Variants in MEGF10 observed in about 807,000 individuals in gnomAD.
The protein encoded by MEGF10 is multiple EGF like domains 10.
MEGF10 carries 86 observed loss-of-function variants against 147.5 expected under a neutral mutation model. That is an observed-to-expected ratio of 0.58 (90% CI 0.49 to 0.70). MEGF10 has a LOEUF of 0.70. Among genes scored for constraint, MEGF10 ranks in the 30% least tolerant of loss-of-function variants. The pLI, the probability that MEGF10 is intolerant of heterozygous loss-of-function variation, is 0.00. For synonymous variants in MEGF10, 478 were observed against 525.5 expected (o/e 0.91, Z 1.24); for missense variants, 1,329 against 1,487.3 (o/e 0.89, Z 1.75).
At chr5:127,414,708 C>A (rs1764691690) in intron 9 of MEGF10, among the ~76,000 whole-genome samples, 1 of 152,170 alleles carries the variant, frequency 6.6e-6, no homozygotes, top group Non-Finnish European at 1.5e-5. Context: ...TCACCTGTGG[C>A]ATTTTCACTT....
intron 5 of MEGF10, among the ~76,000 whole-genome samples, chr5:127,385,307 T>TC (rs2126893185): frequency 6.6e-6 from 1 of 152,256 alleles, no homozygotes; most frequent in East Asian, 1.9e-4. Flanking sequence ...ATTTATAATT[T>TC]TTTTTTTTTG....
chr5:127,266,924 G>C, the MEGF10 span, among the ~76,000 whole-genome samples: 5 of 152,274 alleles, frequency 3.3e-5, no homozygotes, highest in East Asian at 9.6e-4. Context: ...TCTTTCTCCT[G>C]CCTGATTTCC....
At chr5:127,451,022 G>A (rs1489483443) in intron 22 of MEGF10, among the ~76,000 whole-genome samples, 1 of 152,154 alleles carries the variant, frequency 6.6e-6, no homozygotes, top group Non-Finnish European at 1.5e-5. Context: ...GCCTCCCAAA[G>A]TGCTGGGATT....
At chr5:127,413,051 A>G (rs78411753) in intron 9 of MEGF10, among the ~76,000 whole-genome samples, 3,150 of 152,252 alleles carry the variant, frequency 0.021, 59 homozygotes, top group Middle Eastern at 0.085. Context: ...TTTAGATAAG[A>G]CAAGTCATCT....
intron 24 of MEGF10, among the ~76,000 whole-genome samples, chr5:127,456,012 G>C (rs575383255): frequency 6.6e-6 from 1 of 152,254 alleles, no homozygotes; most frequent in South Asian, 2.1e-4. Context: ...GAATTTTCCA[G>C]GGAAAATATT....
chr5:127,426,355 A>T (rs1402696263), intron 13 of MEGF10, among the ~76,000 whole-genome samples: 1 of 152,210 alleles, frequency 6.6e-6, no homozygotes, highest in African/African-American at 2.4e-5. Context: ...ACAAAATAAA[A>T]GTTGTGTTTG....
chr5:127,287,678 C>T (rs1759071413), upstream of MEGF10, among the ~76,000 whole-genome samples: 1 of 151,844 alleles, frequency 6.6e-6, no homozygotes, highest in African/African-American at 2.4e-5. Flanking sequence ...GGATTCAAGG[C>T]ACTCTCAATT....
At chr5:127,281,563 T>C in the MEGF10 span, among the ~76,000 whole-genome samples, 3 of 152,162 alleles carry the variant, frequency 2.0e-5, no homozygotes, top group African/African-American at 4.8e-5. Flanking sequence ...TGTGTGTACA[T>C]TGCTTCTCTC....
intron 4 of MEGF10, among the ~76,000 whole-genome samples, chr5:127,349,709 C>T (rs1762023407): frequency 6.6e-6 from 1 of 150,426 alleles, no homozygotes; most frequent in Admixed American, 6.6e-5. Flanking sequence ...TTTTAGGCTA[C>T]ACAATATTTT....
chr5:127,276,917 T>C, the MEGF10 span, among the ~76,000 whole-genome samples: 1 of 152,044 alleles, frequency 6.6e-6, no homozygotes, highest in Non-Finnish European at 1.5e-5. Context: ...AGAAGGCTCA[T>C]TGAGAAGATG....
At chr5:127,379,240 C>T (rs1355712459) in intron 5 of MEGF10, among the ~76,000 whole-genome samples, 2 of 152,066 alleles carry the variant, frequency 1.3e-5, no homozygotes. Flanking sequence ...TGCTGGTTTC[C>T]CTGCTTCTTC....
chr5:127,310,880 A>C (rs999944149), intron 1 of MEGF10, among the ~76,000 whole-genome samples: 1 of 152,116 alleles, frequency 6.6e-6, no homozygotes, highest in African/African-American at 2.4e-5. Flanking sequence ...CTGGACTGCC[A>C]TTTGTCTAAG....
At chr5:127,298,916 G>A (rs1468167261) in intron 1 of MEGF10, among the ~76,000 whole-genome samples, 1 of 152,194 alleles carries the variant, frequency 6.6e-6, no homozygotes, top group African/African-American at 2.4e-5. Flanking sequence ...GAGAGACAAA[G>A]AAAGGAGGTC....
At chr5:127,399,781 T>C (rs1318544400) in intron 7 of MEGF10, among the ~76,000 whole-genome samples, 1 of 152,200 alleles carries the variant, frequency 6.6e-6, no homozygotes, top group Non-Finnish European at 1.5e-5. Context: ...TAATCTCCCT[T>C]CTTCTGCATA....
In MEGF10 at chr5:127,329,689, A is replaced by C. The variant is rs537806805; in HGVS notation, c.-18-1602A>C. Among the ~76,000 whole-genome samples the C allele has an allele frequency of 2.2e-3, 337 of 152,200 alleles. 1 individual carries two copies. Among genetic ancestry groups the C allele is most frequent in the African/African-American group, 7.7e-3 (319 of 41,558 alleles). On this transcript the variant is annotated intron_variant, in intron 1 of 24. Transcript: ENST00000503335. ...CACCCAGAAAATCACTGCTTTGCTC[A>C]AATAATCTGGCTCATTATTACTAGT...
intron 8 of MEGF10, among the ~76,000 whole-genome samples, chr5:127,405,143 A>G (rs74381320): frequency 0.23 from 35,647 of 152,082 alleles, 4,802 homozygotes; most frequent in African/African-American, 0.38. Flanking sequence ...TCTATGAACT[A>G]TGTAAATACT....
chr5:127,236,401 G>A, the MEGF10 span, among the ~76,000 whole-genome samples: 1 of 152,220 alleles, frequency 6.6e-6, no homozygotes, highest in Non-Finnish European at 1.5e-5. Context: ...AAACAAATGA[G>A]TATGGCTGTG....
intron 1 of MEGF10, among the ~76,000 whole-genome samples, chr5:127,323,436 A>C (rs1760873349): frequency 6.6e-6 from 1 of 152,252 alleles, no homozygotes; most frequent in Non-Finnish European, 1.5e-5. Flanking sequence ...CCCTTGGCAC[A>C]AAATAACTCA....
At chr5:127,356,848 C>T (rs1246155684) in intron 4 of MEGF10, among the ~76,000 whole-genome samples, 1 of 152,146 alleles carries the variant, frequency 6.6e-6, no homozygotes, top group Non-Finnish European at 1.5e-5. Context: ...TGAAGATTTG[C>T]TTCAGCCTAT....
Sources: gnomAD v4.1 joint callset for allele counts (sites outside exome capture counted in the v4.1 genomes callset) on GRCh38, gnomAD v4.1.1 for gene constraint, MANE v1.5 for transcripts, NCBI Gene and HGNC (gene_info 2026-07-23, HGNC 2026-07-21) for gene names.